The following CLNK variants were observed in gnomAD, a reference collection of about 807,000 sequenced individuals.
CLNK encodes the protein cytokine dependent hematopoietic cell linker, also known as cytokine-dependent hematopoietic cell linker.
In CLNK, 74 loss-of-function variants were observed where a neutral mutation model predicts 68.6. The ratio of observed to expected loss-of-function variants is 1.08; its 90% CI spans 0.89 to 1.31. The LOEUF (loss-of-function observed/expected upper bound fraction) is 1.31. Among genes scored for constraint, CLNK ranks in the 50% most tolerant of loss-of-function variants. The pLI, the probability that CLNK is intolerant of heterozygous loss-of-function variation, is 0.00. For synonymous variants in CLNK, 198 were observed against 172.2 expected, an observed-to-expected ratio of 1.15 and a Z score of -1.17; for missense variants, 553 against 515.3, an observed-to-expected ratio of 1.07 and a Z score of -0.71.
At chr4:10,701,558 G>A in the CLNK span, among the ~76,000 whole-genome samples, 1 of 152,222 alleles carries the variant, frequency 6.6e-6, no homozygotes. Context: ...TTAGGTGAAT[G>A]GAAGTGCAGA....
At chr4:10,674,112 C>T (rs2108898324) in intron 1 of CLNK, among the ~76,000 whole-genome samples, 1 of 152,144 alleles carries the variant, frequency 6.6e-6, no homozygotes, top group East Asian at 1.9e-4. Flanking sequence ...ATTAATAGGT[C>T]CAGAGTCGAC....
In CLNK at chr4:10,490,563, A is replaced by G. The variant is rs189381725; in HGVS notation, c.1191T>C (p.Ile397=). 8,501 of 1,595,612 alleles carry G rather than the reference A, an allele frequency of 5.3e-3. 16 individuals are homozygous for G. Among genetic ancestry groups the G allele is most frequent in the Non-Finnish European group, 6.1e-3 (7,163 of 1,170,082 alleles). The change falls in exon 19 of 19, where the codon ATT becomes ATC. Residue 397 remains isoleucine (I), a synonymous_variant. Coordinates refer to ENST00000226951, the MANE Select transcript of CLNK (RefSeq NM_052964.4). ...TTTTATCTTTCCCATCAATTAGTAT[A>G]ATGGGAAAATTCTTGTAGTGTTCGA... ...DIIEHYKNFP[I]ILIDGKDKTG...
intron 1 of CLNK, among the ~76,000 whole-genome samples, chr4:10,669,034 C>G (rs1286717872): frequency 6.6e-6 from 1 of 152,188 alleles, no homozygotes; most frequent in Non-Finnish European, 1.5e-5. Flanking sequence ...GCAATAAGAG[C>G]TGAGGTCCAG....
chr4:10,659,442 T>G (rs1481600123), intron 2 of CLNK, among the ~76,000 whole-genome samples: 1 of 152,172 alleles, frequency 6.6e-6, no homozygotes, highest in Non-Finnish European at 1.5e-5. Context: ...TCCTAAAATG[T>G]CACGGCTCTG....
chr4:10,640,876 G>A (rs1723280862), intron 2 of CLNK, among the ~76,000 whole-genome samples: 1 of 152,242 alleles, frequency 6.6e-6, no homozygotes, highest in African/African-American at 2.4e-5. Context: ...AGCAGGAAGT[G>A]CTCACCTGGG....
rs139349561 is a variant in CLNK at position 10,588,890 on chromosome 4, T to G, written c.84-3935A>C. Among the ~76,000 whole-genome samples the G allele has an allele frequency of 6.1e-3, 935 of 152,098 alleles. 2 individuals carry two copies. Among genetic ancestry groups the G allele is most frequent in the Non-Finnish European group, 7.8e-3 (531 of 67,990 alleles). On this transcript the variant is annotated intron_variant, in intron 3 of 18. Transcript: ENST00000226951. ...ACAATGTATTATACGTCTAAAATAG[T>G]CAAACCTATAGAGTGGAAGGGTGGG...
chr4:10,592,252 CTA>C (rs1721205861), intron 3 of CLNK, among the ~76,000 whole-genome samples: 1 of 152,170 alleles, frequency 6.6e-6, no homozygotes, highest in African/African-American at 2.4e-5. Flanking sequence ...TCTATATAAG[CTA>C]TAGTCCTGTT....
chr4:10,585,756 A>C (rs749435297), intron 3 of CLNK, among the ~76,000 whole-genome samples: 17 of 152,364 alleles, frequency 1.1e-4, no homozygotes, highest in Non-Finnish European at 2.4e-4. Context: ...GTTCACGTCC[A>C]ACCTGGGCAA....
At chr4:10,676,745 T>C (rs771557380) in intron 1 of CLNK, among the ~76,000 whole-genome samples, 1 of 152,110 alleles carries the variant, frequency 6.6e-6, no homozygotes, top group Non-Finnish European at 1.5e-5. Context: ...ATAGACTTTT[T>C]ATCCTTTTTC....
At chr4:10,725,679 C>T in the CLNK span, among the ~76,000 whole-genome samples, 1 of 152,074 alleles carries the variant, frequency 6.6e-6, no homozygotes, top group Non-Finnish European at 1.5e-5. Context: ...TGGTGAAACA[C>T]CTTCTCTACT....
intron 2 of CLNK, among the ~76,000 whole-genome samples, chr4:10,619,676 T>A (rs528073164): frequency 6.6e-6 from 1 of 152,182 alleles, no homozygotes; most frequent in South Asian, 2.1e-4. Context: ...TTGGAATAGA[T>A]CTCTCTGATC....
chr4:10,731,952 A>T, the CLNK span, among the ~76,000 whole-genome samples: 1 of 152,206 alleles, frequency 6.6e-6, no homozygotes, highest in African/African-American at 2.4e-5. Context: ...GACAAGCCCT[A>T]GTGAGTAGTG....
intron 8 of CLNK, among the ~76,000 whole-genome samples, chr4:10,544,172 G>GA (rs34405441): frequency 6.6e-6 from 1 of 152,086 alleles, no homozygotes; most frequent in Admixed American, 6.6e-5. Flanking sequence ...CAATTCACTG[G>GA]AAAAAGAATT....
intron 3 of CLNK, among the ~76,000 whole-genome samples, chr4:10,590,000 C>T (rs1451801066): frequency 6.6e-6 from 1 of 152,210 alleles, no homozygotes; most frequent in Non-Finnish European, 1.5e-5. Context: ...CACCCTTCTG[C>T]CTTCCCTATC....
chr4:10,650,146 CAAAT>C (rs1723670621), intron 2 of CLNK, among the ~76,000 whole-genome samples: 1 of 151,958 alleles, frequency 6.6e-6, no homozygotes, highest in East Asian at 1.9e-4. Context: ...AGTTTAGACA[CAAAT>C]AAAGATACTT....
intron 2 of CLNK, among the ~76,000 whole-genome samples, chr4:10,599,583 T>C (rs1441744702): frequency 6.6e-6 from 1 of 152,194 alleles, no homozygotes; most frequent in East Asian, 1.9e-4. Context: ...CACTGAACTA[T>C]TTTCTGGATC....
intron 2 of CLNK, among the ~76,000 whole-genome samples, chr4:10,602,487 C>T (rs1019854906): frequency 3.3e-5 from 5 of 152,094 alleles, no homozygotes; most frequent in African/African-American, 9.7e-5. Flanking sequence ...GTGAAGATGG[C>T]GGAGATTGGA....
At chr4:10,612,804 A>G (rs559789352) in intron 2 of CLNK, among the ~76,000 whole-genome samples, 8 of 152,348 alleles carry the variant, frequency 5.3e-5, no homozygotes, top group Admixed American at 3.9e-4. Flanking sequence ...GTCAATCATT[A>G]TATCTCATCT....
chr4:10,604,091 C>T (rs1721696418), intron 2 of CLNK, among the ~76,000 whole-genome samples: 1 of 152,158 alleles, frequency 6.6e-6, no homozygotes, highest in African/African-American at 2.4e-5. Context: ...ATCTCATTCC[C>T]ATTTTGCACA....
Sources: allele counts gnomAD v4.1 joint callset (sites outside exome capture counted in the v4.1 genomes callset), GRCh38; gene constraint gnomAD v4.1.1; transcripts MANE v1.5; gene names NCBI Gene and HGNC (gene_info 2026-07-23, HGNC 2026-07-21).